CHGB: variants seen among roughly 807,000 people sequenced by gnomAD.
The protein encoded by CHGB is secretogranin-1.
CHGB carries 46 observed loss-of-function variants against 69.9 expected under a neutral mutation model. The ratio of observed to expected loss-of-function variants is 0.66; its 90% confidence interval spans 0.52 to 0.84. The LOEUF (loss-of-function observed/expected upper bound fraction) is 0.84. CHGB is among the 40% of genes least tolerant of loss of function. The probability of loss-of-function intolerance (pLI) is 0.00; values close to 1 mark genes in which losing one functional copy is unlikely to be tolerated. For synonymous variants in CHGB, 312 were observed against 298.2 expected, an observed-to-expected ratio of 1.05 and a Z score of -0.48; for missense variants, 796 against 822.2, an observed-to-expected ratio of 0.97 and a Z score of 0.39.
In CHGB at chr20:5,925,203, C is replaced by T. The variant is rs1218809379; in HGVS notation, c.*154C>T. 8 of 528,814 alleles carry T rather than the reference C, an allele frequency of 1.5e-5. No homozygotes were observed. Among genetic ancestry groups the T allele is most frequent in the African/African-American group, 9.7e-5 (5 of 51,330 alleles). 32.8% of individuals were successfully genotyped at this position (528,814 alleles called of 1,614,324 possible). Reference sequence around the variant, plus strand: ...ACACAATTGGAATTGTCTTTAATTTCTGTCAGAATGCTATTGAAAATGTGA... The same window carrying T: ...ACACAATTGGAATTGTCTTTAATTTTTGTCAGAATGCTATTGAAAATGTGA... On this transcript the variant is annotated 3_prime_UTR_variant, in exon 5 of 5. Coordinates refer to ENST00000378961, the MANE Select transcript of CHGB (RefSeq NM_001819.3).
chr20:5,922,040 T>C (rs544425706), intron 3 of CHGB, among the ~76,000 whole-genome samples: 1 of 152,192 alleles, frequency 6.6e-6, no homozygotes, highest in Non-Finnish European at 1.5e-5. Flanking sequence ...TAAATTCTAA[T>C]ATTTCATAAA....
At chr20:5,921,540 A>G (rs899572074) in intron 3 of CHGB, among the ~76,000 whole-genome samples, 3 of 152,236 alleles carry the variant, frequency 2.0e-5, no homozygotes, top group African/African-American at 7.2e-5. Flanking sequence ...CGAGAACAGC[A>G]TTCAATTAAA....
At chr20:5,916,045 T>C in intron 1 of CHGB, 1 of 298,040 alleles carries the variant, frequency 3.4e-6, no homozygotes, top group Non-Finnish European at 6.2e-6. Flanking sequence ...ATAAAATATA[T>C]AGAAAATGGA....
chr20:5,911,906 TCA>T (rs1312572568), intron 1 of CHGB, among the ~76,000 whole-genome samples: 2 of 152,204 alleles, frequency 1.3e-5, no homozygotes, highest in African/African-American at 4.8e-5. Flanking sequence ...CAGGGGAGCC[TCA>T]GTCTTTCTGT....
intron 1 of CHGB, among the ~76,000 whole-genome samples, chr20:5,913,628 C>CTTTTTTTTT (rs918275521): frequency 1.9e-4 from 17 of 90,472 alleles, no homozygotes; most frequent in Non-Finnish European, 3.2e-4. Flanking sequence ...CTTTTCTTTT[C>CTTTTTTTTT]TTTTTTTTTT....
At chr20:5,911,707 A>G in intron 1 of CHGB, 25 bp downstream of exon 1, 1 of 1,412,322 alleles carries the variant, frequency 7.1e-7, no homozygotes, top group Non-Finnish European at 9.2e-7. Context: ...CGGGCCGGTC[A>G]GCACCGCGGA....
At position 5,922,811 on chromosome 20, in the gene CHGB, G is replaced by A. The variant is rs773950971; in HGVS notation, c.667G>A (p.Gly223Arg). ...GGCCAGATCGGAAACACATGCTGCC[G>A]GGCATTCTCAGGAGAAGACACATAG... Reference protein sequence around the residue: ...LVARSETHAAGHSQEKTHSRE... With the variant: ...LVARSETHAARHSQEKTHSRE... The change falls in exon 4 of 5, where the codon GGG becomes AGG. Residue 223 changes from glycine to arginine, a missense_variant. By Grantham distance (125) the Gly-to-Arg change is moderately radical. Around this residue, in one of 3 missense-constraint regions of CHGB, gnomAD observed 518 missense variants for 506.3 expected, o/e 1.02. Transcript: ENST00000378961. 12 of 1,613,988 alleles carry A rather than the reference G, an allele frequency of 7.4e-6. No individual in the cohort carries two copies. The Admixed American group carries it at 1.5e-4, about 20-fold the overall frequency.
chr20:5,916,602 T>C (rs2088476965), intron 2 of CHGB, among the ~76,000 whole-genome samples: 1 of 152,214 alleles, frequency 6.6e-6, no homozygotes, highest in Non-Finnish European at 1.5e-5. Context: ...AAATGGGTGT[T>C]TATTTCCCTT....
chr20:5,915,234 A>G lies in CHGB; in HGVS notation c.50-1092A>G, dbSNP rs185619880. Among the ~76,000 whole-genome samples, 508 of 152,384 alleles carry G rather than the reference A, an allele frequency of 3.3e-3. 1 individual carries two copies. Among genetic ancestry groups the G allele is most frequent in the Non-Finnish European group, 5.8e-3 (397 of 68,026 alleles). Reference sequence around the variant, plus strand: ...AAAGCAGCTTTGAGACAGAAAAAAAATGGCACTGAAAAATTAAAATTACCT... The same window carrying G: ...AAAGCAGCTTTGAGACAGAAAAAAAGTGGCACTGAAAAATTAAAATTACCT... On this transcript the variant is annotated intron_variant, in intron 1 of 4. Coordinates refer to ENST00000378961, the MANE Select transcript of CHGB (RefSeq NM_001819.3).
chr20:5,922,558 G>T lies in CHGB; in HGVS notation c.414G>T (p.Gln138His). The T allele has an allele frequency of 6.2e-7, 1 of 1,613,714 alleles. No individual in the cohort carries two copies. Among genetic ancestry groups the T allele is most frequent in the Non-Finnish European group, 8.5e-7 (1 of 1,179,768 alleles). The part of the protein sequence containing the change: ...GHSRERADEP[Q>H]WSLYPSDSQV... ...GCCGAGAGCGAGCGGATGAGCCCCA[G>T]TGGAGCCTCTATCCCTCCGACAGCC... Residue 138 changes from glutamine (Q) to histidine (H), a missense_variant, in exon 4 of 5, where the codon CAG becomes CAT. Transcript: ENST00000378961.
At chr20:5,924,160 T>A (rs1243986746) in intron 4 of CHGB, 60 bp downstream of exon 4, 3 of 1,478,808 alleles carry the variant, frequency 2.0e-6, no homozygotes, top group Non-Finnish European at 2.7e-6. Context: ...CACATTATGT[T>A]CAAGACTATC....
Position 5,913,729 on chromosome 20 carries a change from A to G in CHGB, c.49+2047A>G, listed in dbSNP as rs2088460125. Among the ~76,000 whole-genome samples the G allele has an allele frequency of 3.4e-5, 5 of 148,260 alleles. 1 individual carries two copies. In the South Asian group the frequency reaches 1.1e-3, roughly 31 times the overall value. On this transcript the variant is annotated intron_variant, in intron 1 of 4. Coordinates refer to ENST00000378961, the MANE Select transcript of CHGB (RefSeq NM_001819.3). The stretch of plus-strand genomic sequence containing the variant: ...ACTGCAACCTCCATCTCCCGGGCTC[A>G]AGCAATTGTCTTGCTTCAGCCTCCC...
At chr20:5,913,481 C>A (rs2088457405) in intron 1 of CHGB, among the ~76,000 whole-genome samples, 1 of 152,124 alleles carries the variant, frequency 6.6e-6, no homozygotes, top group African/African-American at 2.4e-5. Flanking sequence ...ATTCACTTAT[C>A]CTTAAGAACT....
intron 3 of CHGB, 49 bp downstream of exon 3, chr20:5,916,968 G>A (rs1190254122): frequency 5.3e-6 from 8 of 1,506,198 alleles, no homozygotes; most frequent in Non-Finnish European, 7.4e-6. Flanking sequence ...AGTGATCCTT[G>A]TTCCTACTCC....
chr20:5,921,272 T>C (rs1293009078), intron 3 of CHGB, among the ~76,000 whole-genome samples: 1 of 152,232 alleles, frequency 6.6e-6, no homozygotes, highest in African/African-American at 2.4e-5. Context: ...GTATCTTACA[T>C]ATATAGCATG....
At chr20:5,916,514 A>G in intron 2 of CHGB, 142 bp downstream of exon 2, 1 of 766,074 alleles carries the variant, frequency 1.3e-6, no homozygotes, top group Non-Finnish European at 2.2e-6. Context: ...TGAGCAAGGG[A>G]TGCCCCTCCT....
At chr20:5,920,863 G>A (rs182989037) in intron 3 of CHGB, among the ~76,000 whole-genome samples, 1 of 152,198 alleles carries the variant, frequency 6.6e-6, no homozygotes, top group African/African-American at 2.4e-5. Flanking sequence ...TCATAAACAT[G>A]AGAATATTAT....
intron 3 of CHGB, among the ~76,000 whole-genome samples, chr20:5,921,247 T>C (rs1332663871): frequency 1.3e-5 from 2 of 152,216 alleles, no homozygotes; most frequent in Non-Finnish European, 2.9e-5. Flanking sequence ...TTCTTTATTC[T>C]CAGAAGTCTG....
At chr20:5,914,486 A>C (rs1368271001) in intron 1 of CHGB, 2 of 152,220 alleles carry the variant, frequency 1.3e-5, no homozygotes, top group Non-Finnish European at 2.9e-5. Context: ...CCAGTAGTTA[A>C]TAAAAACATC....
Sources: gnomAD v4.1 joint callset for allele counts (sites outside exome capture counted in the v4.1 genomes callset) on GRCh38, gnomAD v4.1.1 for gene constraint, gnomAD v4.1.1 regional missense constraint, MANE v1.5 for transcripts, NCBI Gene and HGNC (gene_info 2026-07-23, HGNC 2026-07-21) for gene names.